The following MAML2 variants were observed in gnomAD, a reference collection of about 807,000 sequenced individuals.
MAML2 encodes the protein mastermind-like protein 2.
MAML2 carries 22 observed loss-of-function variants against 96.1 expected under a neutral mutation model. The ratio of observed to expected loss-of-function variants is 0.23; its 90% CI spans 0.16 to 0.33. The LOEUF is 0.33. MAML2 is among the 10% of genes least tolerant of loss of function. The pLI, the probability that MAML2 is intolerant of heterozygous loss-of-function variation, is 1.00. For missense variants in MAML2, 1,367 were observed against 1,392.4 expected (o/e 0.98, Z 0.29); for synonymous variants, 561 against 521.3 (o/e 1.08, Z -1.04).
At chr11:96,071,720 AT>A (rs1859347651) in intron 2 of MAML2, among the ~76,000 whole-genome samples, 1 of 152,212 alleles carries the variant, frequency 6.6e-6, no homozygotes, top group Admixed American at 6.5e-5. Context: ...ACTGGAATTT[AT>A]TTTTAAATTC....
intron 1 of MAML2, among the ~76,000 whole-genome samples, chr11:96,109,134 A>T (rs1378824180): frequency 6.6e-6 from 1 of 152,190 alleles, no homozygotes; most frequent in Non-Finnish European, 1.5e-5. Context: ...TAGAGGAAAC[A>T]TCCATTTCAT....
chr11:96,191,874 A>G (rs1438359248), intron 1 of MAML2, among the ~76,000 whole-genome samples: 2 of 152,178 alleles, frequency 1.3e-5, no homozygotes, highest in Non-Finnish European at 2.9e-5. Context: ...GTCTAGGACC[A>G]ACACATGGAG....
chr11:96,032,965 C>T (rs1429455741), intron 2 of MAML2, among the ~76,000 whole-genome samples: 1 of 152,148 alleles, frequency 6.6e-6, no homozygotes, highest in African/African-American at 2.4e-5. Context: ...TGGTTACATA[C>T]CTATGCGTTT....
chr11:96,336,247 T>C (rs549279796), intron 1 of MAML2, among the ~76,000 whole-genome samples: 4 of 152,308 alleles, frequency 2.6e-5, no homozygotes, highest in Non-Finnish European at 5.9e-5. Flanking sequence ...CAAATGTTGA[T>C]TACTCACCTG....
At position 96,091,929 on chromosome 11, in the gene MAML2, G is replaced by A; in HGVS notation, c.2102C>T (p.Ala701Val). 6.2e-7 allele frequency: 1 copy of A among 1,613,324 alleles called. No individual in the cohort carries two copies. ...LLQQMQNQPIAGMGYQVSQQQ... is the reference protein window; with the variant it reads ...LLQQMQNQPIVGMGYQVSQQQ... ...TTGGGAGACTTGGTATCCCATTCCT[G>A]CAATGGGCTGATTCTGCATTTGCTG... Residue 701 changes from alanine to valine, a missense_variant, in exon 2 of 5, where the codon GCA (alanine) becomes GTA (valine). By Grantham distance (64) the Ala-to-Val change is moderately conservative. Transcript: ENST00000524717.
intron 1 of MAML2, among the ~76,000 whole-genome samples, chr11:96,115,257 G>A (rs769921707): frequency 6.6e-6 from 1 of 151,346 alleles, no homozygotes; most frequent in Non-Finnish European, 1.5e-5. Context: ...TCAAACTCCT[G>A]TGCTCAAGAG....
chr11:96,041,534 GAGGAAGGGAAA>G (rs1231491917), intron 2 of MAML2, among the ~76,000 whole-genome samples: 4 of 143,654 alleles, frequency 2.8e-5, no homozygotes, highest in African/African-American at 1.1e-4. Context: ...GGGAAGGAAG[GAGGAAGGGAAA>G]GAAAGAAAGA....
At chr11:96,283,676 C>G (rs1023528205) in intron 1 of MAML2, among the ~76,000 whole-genome samples, 1 of 152,212 alleles carries the variant, frequency 6.6e-6, no homozygotes, top group Non-Finnish European at 1.5e-5. Context: ...TTGTCCTCTA[C>G]GTTCTGAAGT....
intron 2 of MAML2, among the ~76,000 whole-genome samples, chr11:96,067,034 G>C (rs1159768143): frequency 6.6e-6 from 1 of 152,222 alleles, no homozygotes; most frequent in Non-Finnish European, 1.5e-5. Context: ...GGCAGATCTT[G>C]TAGGGCCTGT....
intron 1 of MAML2, among the ~76,000 whole-genome samples, chr11:96,299,707 G>T (rs760462495): frequency 6.6e-6 from 1 of 152,294 alleles, no homozygotes; most frequent in South Asian, 2.1e-4. Context: ...TTGTCCAAAC[G>T]CTCAGAGGCA....
Position 96,091,919 on chromosome 11 carries a change from T to G in MAML2, c.2112A>C (p.Gly704=). Residue 704 remains glycine, a synonymous_variant, in exon 2 of 5, where the codon GGA becomes GGC. Coordinates refer to ENST00000524717, the MANE Select transcript of MAML2 (RefSeq NM_032427.4). ...GTCTCTGTTGTTGGGAGACTTGGTATCCCATTCCTGCAATGGGCTGATTCT... is the reference window on the plus strand; with the variant it reads ...GTCTCTGTTGTTGGGAGACTTGGTAGCCCATTCCTGCAATGGGCTGATTCT... ...QMQNQPIAGM[G]YQVSQQQRQD... 2 of 1,613,536 alleles carry G rather than the reference T, an allele frequency of 1.2e-6. No individual in the cohort carries two copies. Among genetic ancestry groups the G allele is most frequent in the Non-Finnish European group, 1.7e-6 (2 of 1,179,684 alleles).
intron 1 of MAML2, among the ~76,000 whole-genome samples, chr11:96,218,078 A>C (rs1259324230): frequency 6.6e-6 from 1 of 152,214 alleles, no homozygotes; most frequent in Non-Finnish European, 1.5e-5. Context: ...GGCAAGCTTG[A>C]TATTACATAG....
Position 95,979,803 on chromosome 11 carries a change from A to C in MAML2, c.2616T>G (p.Asn872Lys). The C allele has an allele frequency of 6.2e-7, 1 of 1,613,954 alleles. No individual in the cohort carries two copies. The highest frequency in any genetic ancestry group is 1.1e-5 in the South Asian group (1 of 91,080). ...ATGTGTTAGGTTGATTACAAGGCAG[A>C]TTTCCATACATCCCCATATTCTGAA... ...TAVQNMGMYGNLPCNQPNTYS... is the reference protein window; with the variant it reads ...TAVQNMGMYGKLPCNQPNTYS... Residue 872 changes from asparagine to lysine, a missense_variant, in exon 5 of 5, where the codon AAT becomes AAG. Transcript: ENST00000524717.
intron 1 of MAML2, among the ~76,000 whole-genome samples, chr11:96,149,432 A>AAAAAAAT (rs59453325): frequency 0.51 from 56,925 of 112,604 alleles, 19,137 homozygotes; most frequent in Middle Eastern, 0.67. Context: ...AAAAAAAAAA[A>AAAAAAAT]TGAGAAGTTA....
chr11:96,245,952 C>A (rs1591093429), intron 1 of MAML2, among the ~76,000 whole-genome samples: 1 of 152,228 alleles, frequency 6.6e-6, no homozygotes, highest in Admixed American at 6.5e-5. Flanking sequence ...ATCTGCCCCC[C>A]TCGACCTCCC....
In MAML2 at chr11:96,211,446, TA is replaced by T. The variant is rs5793789; in HGVS notation, c.514-117930del. On this transcript the variant is annotated intron_variant, in intron 1 of 4. Transcript: ENST00000524717. Reference sequence around the variant, plus strand: ...TCCAATGTGATAGGGTCTTTGAAATTAAAAAAAAAAAAAAAGAAAAGCCTGT... The same window carrying T: ...TCCAATGTGATAGGGTCTTTGAAATTAAAAAAAAAAAAAAGAAAAGCCTGT... Among the ~76,000 whole-genome samples, 1,180 of 141,536 alleles carry T rather than the reference TA, an allele frequency of 8.3e-3. 11 individuals are homozygous for T. The highest frequency in any genetic ancestry group is 0.023 in the African/African-American group (881 of 38,446). 92.9% of individuals were successfully genotyped at this position (141,536 alleles called of 152,430 possible). A position where few individuals can be genotyped will look rare whatever the true frequency, so the allele number is the denominator to read the frequency against.
intron 1 of MAML2, among the ~76,000 whole-genome samples, chr11:96,137,379 G>A (rs190588866): frequency 5.9e-5 from 9 of 152,234 alleles, no homozygotes; most frequent in East Asian, 1.9e-4. Context: ...TCTCTTACAC[G>A]CCTGGATCAA....
chr11:96,188,525 A>G (rs1861606355), intron 1 of MAML2, among the ~76,000 whole-genome samples: 1 of 152,250 alleles, frequency 6.6e-6, no homozygotes, highest in African/African-American at 2.4e-5. Context: ...GAAAGCCTGT[A>G]TGTCCCTATT....
chr11:96,160,226 G>A (rs181457620), intron 1 of MAML2, among the ~76,000 whole-genome samples: 2 of 152,252 alleles, frequency 1.3e-5, no homozygotes, highest in Non-Finnish European at 2.9e-5. Context: ...CGGGGGAAGA[G>A]CCCCTGATCC....
Sources: gnomAD v4.1 joint callset for allele counts (sites outside exome capture counted in the v4.1 genomes callset) on GRCh38, gnomAD v4.1.1 for gene constraint, MANE v1.5 for transcripts, NCBI Gene and HGNC (gene_info 2026-07-23, HGNC 2026-07-21) for gene names.